Variants in BST1 observed in about 807,000 individuals in gnomAD.
BST1 encodes bone marrow stromal cell antigen 1, also known as ADP-ribosyl cyclase/cyclic ADP-ribose hydrolase 2.
Under a neutral mutation model 40.6 loss-of-function variants are expected in BST1, and 49 were observed. That is an observed-to-expected ratio of 1.21 (90% CI 0.96 to 1.53). The LOEUF is 1.53. Among genes scored for constraint, BST1 ranks in the 40% most tolerant of loss-of-function variants. The pLI, the probability that BST1 is intolerant of heterozygous loss-of-function variation, is 0.00. For synonymous variants in BST1, 157 were observed against 159.3 expected, an observed-to-expected ratio of 0.99 and a Z score of 0.11; for missense variants, 423 against 395.9, an observed-to-expected ratio of 1.07 and a Z score of -0.58.
Position 15,731,818 on chromosome 4 carries a change from GGT to G in BST1, c.932_933del (p.Val311AlafsTer57). 6.2e-7 allele frequency: 1 copy of G among 1,613,536 alleles called. No individual in the cohort carries two copies. The highest frequency in any genetic ancestry group is 8.5e-7 in the Non-Finnish European group (1 of 1,179,780). On this transcript the variant is annotated frameshift_variant, in exon 9 of 9. Transcript: ENST00000265016. LOFTEE classifies it high-confidence loss of function. ...CGGGTCTTATCATTCCCCTCTTTCT[GGT>G]GCTGGCTTCCAGGACTCAACTGTAA... is the stretch of plus-strand genomic sequence containing the variant. Reference protein sequence around the residue: ...RAGLIIPLFLVLASRTQL With the variant: ...RAGLIIPLFLXLASRTQL
chr4:15,738,585 A>G (rs2148900612), downstream of BST1, among the ~76,000 whole-genome samples: 1 of 152,334 alleles, frequency 6.6e-6, no homozygotes, highest in African/African-American at 2.4e-5. Flanking sequence ...AAAAAAATAA[A>G]AATAAAAATA....
In BST1 at chr4:15,731,823, T is replaced by C. The variant is rs1471510365; in HGVS notation, c.935T>C (p.Leu312Pro). The change falls in exon 9 of 9, where the codon CTG becomes CCG. Residue 312 changes from leucine to proline, a missense_variant. Leu to Pro is a moderately conservative substitution (Grantham distance 98). Coordinates refer to ENST00000265016, the MANE Select transcript of BST1 (RefSeq NM_004334.3). ...CTTATCATTCCCCTCTTTCTGGTGC[T>C]GGCTTCCAGGACTCAACTGTAACTG... ...AGLIIPLFLV[L>P]ASRTQL 6.2e-7 allele frequency: 1 copy of C among 1,613,544 alleles called. No homozygotes were observed. Among genetic ancestry groups the C allele is most frequent in the South Asian group, 1.1e-5 (1 of 90,832 alleles).
intron 3 of BST1, among the ~76,000 whole-genome samples, chr4:15,710,323 G>A (rs1720121165): frequency 6.6e-6 from 1 of 151,890 alleles, no homozygotes; most frequent in Non-Finnish European, 1.5e-5. Context: ...TCAAAAAATT[G>A]TATATATTTA....
chr4:15,723,915 C>T (rs1219652395), intron 8 of BST1, among the ~76,000 whole-genome samples: 1 of 152,186 alleles, frequency 6.6e-6, no homozygotes, highest in African/African-American at 2.4e-5. Flanking sequence ...TTTAGCCCAT[C>T]TTAGGGGTAA....
chr4:15,749,894 C>A, the BST1 span, among the ~76,000 whole-genome samples: 4 of 151,506 alleles, frequency 2.6e-5, no homozygotes, highest in Admixed American at 2.6e-4. Context: ...ACTATAGTCA[C>A]CCTATTGTGT....
rs528488028 is a variant in BST1 at position 15,703,075 on chromosome 4, G to C, written c.-70G>C. ...AGAGTCCCGCCCTGCATCAGTTTGC[G>C]GAACCGCCTTGGTAGAAGGAGAGAA... On this transcript the variant is annotated 5_prime_UTR_variant, in exon 1 of 9. Transcript: ENST00000265016. 3.3e-4 allele frequency: 494 copies of C among 1,484,580 alleles called. 2 individuals are homozygous for C. The African/African-American group carries it at 6.4e-3, about 19-fold the overall frequency. 92.0% of individuals were successfully genotyped at this position (1,484,580 alleles called of 1,614,324 possible). A position where few individuals can be genotyped will look rare whatever the true frequency, so the allele number is the denominator to read the frequency against.
downstream of BST1, chr4:15,736,162 C>G: frequency 7.9e-7 from 1 of 1,269,610 alleles, no homozygotes. Flanking sequence ...ATATCATTGC[C>G]TCCTGACTGA....
At chr4:15,747,038 G>T in the BST1 span, among the ~76,000 whole-genome samples, 1 of 152,128 alleles carries the variant, frequency 6.6e-6, no homozygotes, top group African/African-American at 2.4e-5. Flanking sequence ...GGGAAGGGTT[G>T]GGAGAATCAC....
At chr4:15,707,857 A>C (rs28482082) in intron 3 of BST1, among the ~76,000 whole-genome samples, 38,559 of 123,162 alleles carry the variant, frequency 0.31, 5,579 homozygotes, top group East Asian at 0.45. Context: ...CTCTCTCTCT[A>C]TATATATATA....
At chr4:15,724,580 G>T (rs902269139) in intron 8 of BST1, among the ~76,000 whole-genome samples, 3 of 152,170 alleles carry the variant, frequency 2.0e-5, no homozygotes, top group Admixed American at 6.5e-5. Flanking sequence ...CAGCTACTTG[G>T]GAGGCTGAGG....
At position 15,703,288 on chromosome 4, in the gene BST1, G is replaced by C. The variant is rs1719647668; in HGVS notation, c.144G>C (p.Leu48=). 1.3e-6 allele frequency: 2 copies of C among 1,533,934 alleles called. No individual in the cohort carries two copies. The highest frequency in any genetic ancestry group is 1.7e-6 in the Non-Finnish European group (2 of 1,146,154). Residue 48 remains leucine (L), a synonymous_variant, in exon 1 of 9, where the codon CTG becomes CTC. Transcript: ENST00000265016. Reference sequence around the variant, plus strand: ...GCGCACACTTGCGGGACATCTTCCTGGGCCGCTGCGCCGAGTACCGCGCAC... The same window carrying C: ...GCGCACACTTGCGGGACATCTTCCTCGGCCGCTGCGCCGAGTACCGCGCAC... ...GTSAHLRDIF[L]GRCAEYRALL... is the part of the protein sequence containing the mutation.
the BST1 span, among the ~76,000 whole-genome samples, chr4:15,754,425 G>T: frequency 6.6e-6 from 1 of 152,292 alleles, no homozygotes; most frequent in Non-Finnish European, 1.5e-5. Context: ...GTCTAAGATT[G>T]TCTCCTCTCT....
chr4:15,771,766 C>A, the BST1 span, among the ~76,000 whole-genome samples: 75 of 152,204 alleles, frequency 4.9e-4, no homozygotes, highest in African/African-American at 1.8e-3. Flanking sequence ...AGTGTATGTA[C>A]TTGGACACCT....
intron 2 of BST1, among the ~76,000 whole-genome samples, chr4:15,706,896 C>T (rs1020374612): frequency 2.0e-5 from 3 of 152,280 alleles, no homozygotes; most frequent in African/African-American, 7.2e-5. Context: ...CAGCCCTCAC[C>T]CTTGGGGACC....
the BST1 span, among the ~76,000 whole-genome samples, chr4:15,763,038 C>G: frequency 6.6e-6 from 1 of 151,964 alleles, no homozygotes; most frequent in South Asian, 2.1e-4. Context: ...TTTCCCATTA[C>G]TTTTCAAAAA....
the BST1 span, among the ~76,000 whole-genome samples, chr4:15,756,529 G>A: frequency 6.6e-6 from 1 of 152,200 alleles, no homozygotes; most frequent in Non-Finnish European, 1.5e-5. Flanking sequence ...GATTAGTTGA[G>A]AGTGTGTTTG....
the BST1 span, among the ~76,000 whole-genome samples, chr4:15,773,604 C>T: frequency 6.6e-6 from 1 of 152,154 alleles, no homozygotes; most frequent in Non-Finnish European, 1.5e-5. Context: ...AGTTTGAAAT[C>T]AGCCTGGGCA....
the BST1 span, among the ~76,000 whole-genome samples, chr4:15,758,328 A>G: frequency 5.9e-5 from 9 of 152,170 alleles, no homozygotes; most frequent in African/African-American, 9.6e-5. Flanking sequence ...CCCAGCGTCT[A>G]TTGTTTCCAT....
At chr4:15,716,901 G>A (rs1331075639) in intron 6 of BST1, among the ~76,000 whole-genome samples, 4 of 151,954 alleles carry the variant, frequency 2.6e-5, no homozygotes, top group Non-Finnish European at 4.4e-5. Context: ...TCAACCTCCC[G>A]AGTAGCTGGG....
Sources: gnomAD v4.1 joint callset for allele counts (sites outside exome capture counted in the v4.1 genomes callset) on GRCh38, gnomAD v4.1.1 for gene constraint, MANE v1.5 for transcripts, NCBI Gene and HGNC (gene_info 2026-07-23, HGNC 2026-07-21) for gene names.